The following ARHGAP12 variants were observed in gnomAD, a reference collection of about 807,000 sequenced individuals.
ARHGAP12 encodes rho GTPase-activating protein 12.
Under a neutral mutation model 108.6 loss-of-function variants are expected in ARHGAP12, and 64 were observed. That is an observed-to-expected ratio of 0.59 (90% confidence interval 0.48 to 0.73). ARHGAP12 has a LOEUF of 0.73. Ranked by LOEUF, ARHGAP12 falls within the 30% of genes least tolerant of loss-of-function variation. ARHGAP12 has a pLI of 0.00. For synonymous variants in ARHGAP12, 312 were observed against 337.2 expected (o/e 0.93, Z 0.82); for missense variants, 940 against 1,005.9 (o/e 0.93, Z 0.89).
At chr10:31,888,970 T>C (rs2078581430) in intron 3 of ARHGAP12, among the ~76,000 whole-genome samples, 1 of 151,622 alleles carries the variant, frequency 6.6e-6, no homozygotes, top group South Asian at 2.1e-4. Context: ...AGTGCAATGG[T>C]GCAATCTTGG....
At chr10:31,838,772 A>G (rs1397290061) in intron 9 of ARHGAP12, among the ~76,000 whole-genome samples, 4 of 150,276 alleles carry the variant, frequency 2.7e-5, no homozygotes, top group Non-Finnish European at 4.4e-5. Context: ...TGGAGGCTGC[A>G]GTTAGCCGAG....
chr10:31,817,978 A>C, intron 12 of ARHGAP12, 92 bp from the exon 13 acceptor site: 1 of 869,618 alleles, frequency 1.1e-6, no homozygotes, highest in East Asian at 2.6e-5. Flanking sequence ...TAACAAAACC[A>C]CCAAGAGTAG....
intron 1 of ARHGAP12, among the ~76,000 whole-genome samples, chr10:31,926,212 G>A (rs911799037): frequency 6.6e-6 from 1 of 151,982 alleles, no homozygotes; most frequent in African/African-American, 2.4e-5. Context: ...CAATTAAAGA[G>A]CTAATCAATT....
In ARHGAP12 at chr10:31,806,433, T is replaced by G. The variant is rs1474759828; in HGVS notation, c.*1225A>C. 1 of 152,608 alleles carries G rather than the reference T, an allele frequency of 6.6e-6. No homozygotes were observed. The highest frequency in any genetic ancestry group is 1.5e-5 in the Non-Finnish European group (1 of 68,008). 9.5% of individuals were successfully genotyped at this position (152,608 alleles called of 1,614,324 possible). The stretch of plus-strand genomic sequence containing the variant: ...ACCTTCCAAACCCTGTGTTTTATTA[T>G]ACAAAGCAATCTACATTAGTAGGTA... On this transcript the variant is annotated 3_prime_UTR_variant, in exon 20 of 20. Coordinates refer to ENST00000344936, the MANE Select transcript of ARHGAP12 (RefSeq NM_018287.7).
intron 5 of ARHGAP12, among the ~76,000 whole-genome samples, chr10:31,853,733 G>C (rs1177257809): frequency 6.6e-6 from 1 of 152,086 alleles, no homozygotes; most frequent in East Asian, 1.9e-4. Flanking sequence ...TATGATAATG[G>C]CACAGAGAGA....
intron 6 of ARHGAP12, among the ~76,000 whole-genome samples, chr10:31,848,176 G>C (rs998953346): frequency 6.6e-6 from 1 of 152,118 alleles, no homozygotes; most frequent in Non-Finnish European, 1.5e-5. Context: ...GCTGAACTCA[G>C]TTAACGACAG....
chr10:31,908,339 T>C lies in ARHGAP12; in HGVS notation c.517A>G (p.Arg173Gly), dbSNP rs1839219822. The C allele has an allele frequency of 1.9e-6, 3 of 1,614,088 alleles. No homozygotes were observed. The highest frequency in any genetic ancestry group is 2.5e-6 in the Non-Finnish European group (3 of 1,180,042). ...GGAAAATGACCAAATGAGCGTGTCC[T>C]ATTCTGGCTGGAAACTTTAGGAGAA... ...SHSPKVSSQN[R>G]TRSFGHFPGP... is the part of the protein sequence containing the mutation. Residue 173 changes from arginine (R) to glycine (G), a missense_variant, in exon 3 of 20, where the codon AGG becomes GGG. Transcript: ENST00000344936.
At chr10:31,900,117 G>T (rs987313184) in intron 3 of ARHGAP12, among the ~76,000 whole-genome samples, 2 of 152,138 alleles carry the variant, frequency 1.3e-5, no homozygotes, top group Non-Finnish European at 2.9e-5. Flanking sequence ...CATATGAAAA[G>T]ATGCTCAACA....
intron 5 of ARHGAP12, among the ~76,000 whole-genome samples, chr10:31,853,564 T>C (rs746999506): frequency 7.2e-5 from 11 of 152,186 alleles, no homozygotes; most frequent in African/African-American, 2.4e-4. Context: ...TCTCTGAACA[T>C]GTACAACCCA....
intron 5 of ARHGAP12, 43 bp downstream of exon 5, chr10:31,854,023 A>C (rs1248127866): frequency 1.9e-6 from 3 of 1,573,068 alleles, no homozygotes; most frequent in Non-Finnish European, 2.6e-6. Flanking sequence ...ATTTTATGAG[A>C]GAATTCTGCC....
intron 3 of ARHGAP12, among the ~76,000 whole-genome samples, chr10:31,875,487 T>C (rs781436867): frequency 6.6e-6 from 1 of 152,082 alleles, no homozygotes; most frequent in Non-Finnish European, 1.5e-5. Context: ...AAATTGCTAA[T>C]AAAAAAGACA....
At chr10:31,841,012 T>C (rs1049129293) in intron 7 of ARHGAP12, among the ~76,000 whole-genome samples, 1 of 152,134 alleles carries the variant, frequency 6.6e-6, no homozygotes, top group Non-Finnish European at 1.5e-5. Flanking sequence ...ATGGAAGATC[T>C]GATGATTCAT....
chr10:31,816,056 C>T (rs1316429917), intron 13 of ARHGAP12, among the ~76,000 whole-genome samples: 1 of 151,970 alleles, frequency 6.6e-6, no homozygotes, highest in African/African-American at 2.4e-5. Context: ...GAGGCTGAGA[C>T]AGGAGAATCA....
intron 4 of ARHGAP12, among the ~76,000 whole-genome samples, chr10:31,854,999 G>A (rs1195471660): frequency 1.5e-5 from 2 of 136,238 alleles, no homozygotes; most frequent in East Asian, 4.5e-4. Flanking sequence ...AGGAGGAGGA[G>A]GAGGAGGAGC....
At chr10:31,885,865 C>T (rs1191140051) in intron 3 of ARHGAP12, among the ~76,000 whole-genome samples, 1 of 149,970 alleles carries the variant, frequency 6.7e-6, no homozygotes, top group Non-Finnish European at 1.5e-5. Flanking sequence ...CAAACAAATA[C>T]ACAGTTATTC....
At chr10:31,855,685 T>G (rs1355239458) in intron 4 of ARHGAP12, among the ~76,000 whole-genome samples, 1 of 152,162 alleles carries the variant, frequency 6.6e-6, no homozygotes, top group Non-Finnish European at 1.5e-5. Flanking sequence ...AGTAAAACTT[T>G]TAGAAACAGA....
chr10:31,844,053 TA>T (rs1263444237), intron 6 of ARHGAP12, among the ~76,000 whole-genome samples: 3 of 152,204 alleles, frequency 2.0e-5, no homozygotes, highest in Admixed American at 2.0e-4. Flanking sequence ...TTTAAAAACC[TA>T]AACCAAAAAT....
intron 3 of ARHGAP12, among the ~76,000 whole-genome samples, chr10:31,906,252 TTC>T (rs1190894306): frequency 6.6e-6 from 1 of 152,182 alleles, no homozygotes; most frequent in East Asian, 1.9e-4. Context: ...CTGCTTCTGA[TTC>T]AGTGACTCAC....
intron 1 of ARHGAP12, among the ~76,000 whole-genome samples, chr10:31,921,723 C>T (rs1438136992): frequency 8.0e-6 from 1 of 125,224 alleles, no homozygotes; most frequent in Non-Finnish European, 1.6e-5. Context: ...GAGATTGTGC[C>T]ACTGCATTCC....
Sources: allele counts gnomAD v4.1 joint callset (sites outside exome capture counted in the v4.1 genomes callset), GRCh38; gene constraint gnomAD v4.1.1; transcripts MANE v1.5; gene names NCBI Gene and HGNC (gene_info 2026-07-23, HGNC 2026-07-21).